The following DMD variants were observed in gnomAD, a reference collection of about 807,000 sequenced individuals.
The protein encoded by DMD is mutant dystrophin.
DMD carries 63 observed loss-of-function variants against 330.1 expected under a neutral mutation model. That is an observed-to-expected ratio of 0.19 (90% CI 0.16 to 0.24). DMD has a LOEUF of 0.24. Ranked by LOEUF, DMD falls within the 10% of genes least tolerant of loss-of-function variation. DMD has a pLI of 1.00. For synonymous variants in DMD, 1,223 were observed against 959.8 expected, an observed-to-expected ratio of 1.27 and a Z score of -5.07; for missense variants, 3,344 against 2,684.1, an observed-to-expected ratio of 1.25 and a Z score of -5.43.
chrX:32,158,183 A>T (rs1354507861), intron 44 of DMD, among the ~76,000 whole-genome samples: 1 of 110,968 alleles, frequency 9.0e-6, no homozygotes, highest in Non-Finnish European at 1.9e-5. Context: ...GGAATTAATA[A>T]TACCTCATCA....
intron 44 of DMD, among the ~76,000 whole-genome samples, chrX:32,065,816 T>G (rs2096256089): frequency 8.9e-6 from 1 of 112,048 alleles, no homozygotes; most frequent in South Asian, 3.6e-4. Flanking sequence ...TAATCTTGAA[T>G]TAAAACAGCA....
rs73461749 is a variant in DMD at position 32,593,458 on chromosome X, T to A, written c.1602+2299A>T. 8.6e-3 allele frequency among the ~76,000 whole-genome samples: 959 copies of A among 111,749 alleles called. 9 individuals carry two copies. Among genetic ancestry groups the A allele is most frequent in the African/African-American group, 0.029 (905 of 30,764 alleles). On this transcript the variant is annotated intron_variant, in intron 13 of 78. Coordinates refer to ENST00000357033, the MANE Select transcript of DMD (RefSeq NM_004006.3). The stretch of plus-strand genomic sequence containing the variant: ...TGGATTGCATGTACCAAGAGCGCAG[T>A]TCCCATGCCTACCTGCCTATCATAG...
chrX:31,213,695 G>C (rs897079422), intron 64 of DMD, among the ~76,000 whole-genome samples: 5 of 111,886 alleles, frequency 4.5e-5, no homozygotes, highest in Non-Finnish European at 9.4e-5. Flanking sequence ...AGATTCGTAA[G>C]CACTGTCATT....
At chrX:31,744,324 G>A (rs1263500796) in intron 51 of DMD, among the ~76,000 whole-genome samples, 1 of 111,655 alleles carries the variant, frequency 9.0e-6, no homozygotes, top group East Asian at 2.8e-4. Context: ...GAGACGTAAA[G>A]CGAGCACATG....
intron 44 of DMD, among the ~76,000 whole-genome samples, chrX:32,013,093 C>CTATTTTTTTTTTTTTTTTT (rs1557064304): frequency 1.6e-5 from 1 of 61,198 alleles, no homozygotes; most frequent in African/African-American, 8.1e-5. Flanking sequence ...CTTTTCTTTC[C>CTATTTTTTTTTTTTTTTTT]TTTTTTTTTT....
At chrX:32,838,681 A>T (rs765995407) in intron 4 of DMD, among the ~76,000 whole-genome samples, 1 of 112,265 alleles carries the variant, frequency 8.9e-6, no homozygotes, top group Admixed American at 9.5e-5. Flanking sequence ...ATACGAAAAA[A>T]TGCTTATCAC....
In DMD at chrX:32,816,578, G is replaced by C. The variant is rs2077780083; in HGVS notation, c.420C>G (p.Leu140=). ...GAGTTGATTGTCGGACCCAGCTCAGGAGAATCTTTTCACTGTTGGTTTGTT... is the reference window on the plus strand; with the variant it reads ...GAGTTGATTGTCGGACCCAGCTCAGCAGAATCTTTTCACTGTTGGTTTGTT... ...GLQQTNSEKI[L]LSWVRQSTRN... is the part of the protein sequence containing the mutation. The change falls in exon 6 of 79, where the codon CTC becomes CTG. Residue 140 remains leucine (L), a synonymous_variant. Transcript: ENST00000357033. 8.3e-7 allele frequency: 1 copy of C among 1,211,498 alleles called. No homozygotes were observed. The highest frequency in any genetic ancestry group is 1.1e-6 in the Non-Finnish European group (1 of 895,305).
At chrX:32,719,894 C>T (rs769029603) in intron 7 of DMD, among the ~76,000 whole-genome samples, 11 of 109,957 alleles carry the variant, frequency 1.0e-4, no homozygotes, top group South Asian at 3.9e-4. Flanking sequence ...TCATATAATA[C>T]GTTGTTATCC....
chrX:32,469,587 C>A (rs2040408194), intron 22 of DMD, among the ~76,000 whole-genome samples: 1 of 110,702 alleles, frequency 9.0e-6, no homozygotes, highest in Non-Finnish European at 1.9e-5. Flanking sequence ...TGTTTTTTTA[C>A]TTTACTTTTT....
intron 45 of DMD, among the ~76,000 whole-genome samples, chrX:31,961,061 A>C (rs1941256159): frequency 8.9e-6 from 1 of 112,391 alleles, no homozygotes; most frequent in Non-Finnish European, 1.9e-5. Context: ...GTTGAGATAC[A>C]GTGAGAGTAG....
At chrX:32,882,461 T>C (rs1178492257) in intron 2 of DMD, among the ~76,000 whole-genome samples, 1 of 112,295 alleles carries the variant, frequency 8.9e-6, no homozygotes, top group Non-Finnish European at 1.9e-5. Flanking sequence ...CTTGTCACTA[T>C]CAAAATGGAA....
chrX:32,655,030 CTT>C (rs2060458725), intron 9 of DMD, among the ~76,000 whole-genome samples: 1 of 110,676 alleles, frequency 9.0e-6, no homozygotes, highest in Admixed American at 9.6e-5. Flanking sequence ...CTATTTGATT[CTT>C]CTCTCTTTTC....
At chrX:33,256,776 T>C (rs975875677) in intron 1 of DMD, among the ~76,000 whole-genome samples, 9 of 110,663 alleles carry the variant, frequency 8.1e-5, no homozygotes, top group Non-Finnish European at 1.7e-4. Context: ...TAATTCACTC[T>C]AGATTTTCTC....
At chrX:31,685,300 C>T (rs1460281009) in intron 52 of DMD, among the ~76,000 whole-genome samples, 1 of 111,686 alleles carries the variant, frequency 9.0e-6, no homozygotes, top group Non-Finnish European at 1.9e-5. Flanking sequence ...CATCTGGGGA[C>T]AAAATTATCC....
At position 32,699,262 on chromosome X, in the gene DMD, G is replaced by A. The variant is rs2063900887; in HGVS notation, c.681C>T (p.Ser227=). 1.7e-6 allele frequency: 2 copies of A among 1,208,681 alleles called. No individual in the cohort carries two copies. Among genetic ancestry groups the A allele is most frequent in the Non-Finnish European group, 2.2e-6 (2 of 893,025 alleles). Reference sequence around the variant, plus strand: ...AGAGTGATGTGATGTACATTAAGATGGACTTCTTATCTGGATAGGTGGTAT... The same window carrying A: ...AGAGTGATGTGATGTACATTAAGATAGACTTCTTATCTGGATAGGTGGTAT... ...DVDTTYPDKK[S]ILMYITSLFQ... Residue 227 remains serine (S), a synonymous_variant, in exon 8 of 79, where the codon TCC becomes TCT. Transcript: ENST00000357033.
intron 44 of DMD, among the ~76,000 whole-genome samples, chrX:32,019,532 G>T (rs2095792085): frequency 8.9e-6 from 1 of 112,284 alleles, no homozygotes; most frequent in Non-Finnish European, 1.9e-5. Flanking sequence ...ATTATATAAT[G>T]ATAATCTCAG....
intron 44 of DMD, among the ~76,000 whole-genome samples, chrX:32,126,400 A>T (rs1348890451): frequency 2.7e-5 from 3 of 111,979 alleles, no homozygotes; most frequent in Non-Finnish European, 5.6e-5. Context: ...TATTTTCACG[A>T]CACAAACACC....
intron 12 of DMD, among the ~76,000 whole-genome samples, chrX:32,608,702 G>A (rs1299543533): frequency 1.8e-5 from 2 of 110,576 alleles, no homozygotes; most frequent in Non-Finnish European, 3.8e-5. Context: ...CAGAACATGT[G>A]TTCTAAAAAC....
chrX:32,883,936 A>G (rs1326666880), intron 2 of DMD, among the ~76,000 whole-genome samples: 1 of 108,160 alleles, frequency 9.2e-6, no homozygotes, highest in East Asian at 2.9e-4. Context: ...TGTTCTGTAG[A>G]TGTTCTATAG....
Sources: allele counts gnomAD v4.1 joint callset (sites outside exome capture counted in the v4.1 genomes callset), GRCh38; gene constraint gnomAD v4.1.1; transcripts MANE v1.5; gene names NCBI Gene and HGNC (gene_info 2026-07-23, HGNC 2026-07-21).